Variants in OXNAD1 observed in about 807,000 individuals in gnomAD.
The protein encoded by OXNAD1 is oxidoreductase NAD-binding domain-containing protein 1.
A neutral mutation model predicts 32.9 loss-of-function variants in OXNAD1; 34 were observed. The observed-to-expected ratio is 1.03, with a 90% CI of 0.79 to 1.38. The LOEUF (loss-of-function observed/expected upper bound fraction) is 1.38. Ranked by LOEUF, OXNAD1 falls within the 40% of genes most tolerant of loss-of-function variation. OXNAD1 has a pLI of 0.00. For missense variants in OXNAD1, 407 were observed against 379.4 expected, an observed-to-expected ratio of 1.07 and a Z score of -0.60; for synonymous variants, 134 against 135.2, an observed-to-expected ratio of 0.99 and a Z score of 0.06.
rs183688590 is a variant in OXNAD1 at position 16,329,515 on chromosome 3, G to A, written c.*31-7597G>A. Among the ~76,000 whole-genome samples, 3 of 152,192 alleles carry A rather than the reference G, an allele frequency of 2.0e-5. No individual in the cohort carries two copies. Among genetic ancestry groups the A allele is most frequent in the East Asian group, 3.9e-4 (2 of 5,176 alleles). On this transcript the variant is annotated intron_variant, in intron 9 of 9. Coordinates refer to the OXNAD1 transcript ENST00000435829. This position sits in a 1 kb window ranked among gnomAD's most constrained non-coding sequence, Gnocchi z 4.5. ...AGGCCAGAGATGGCCCAGCAGTTGT[G>A]ACCATCCTTTCTGCCTGGCCTCTGG...
chr3:16,329,076 A>C lies in OXNAD1; in HGVS notation c.*31-8036A>C, dbSNP rs2070026400. Among the ~76,000 whole-genome samples the C allele has an allele frequency of 6.6e-6, 1 of 152,220 alleles. No homozygotes were observed. Among genetic ancestry groups the C allele is most frequent in the Non-Finnish European group, 1.5e-5 (1 of 68,050 alleles). ...GGCCTGGTGGGAGTGTTTAGGTCAG[A>C]AGGGCTCCACTCTTGTGAATGGGTT... is the stretch of plus-strand genomic sequence containing the variant. On this transcript the variant is annotated intron_variant, in intron 9 of 9. Coordinates refer to the OXNAD1 transcript ENST00000435829. The surrounding 1 kb of genome is among the most constrained non-coding windows in gnomAD (Gnocchi z 4.5).
chr3:16,280,056 G>A lies in OXNAD1; in HGVS notation c.184-6286G>A, dbSNP rs2065633757. 6.6e-6 allele frequency among the ~76,000 whole-genome samples: 1 copy of A among 152,192 alleles called. No individual in the cohort carries two copies. Among genetic ancestry groups the A allele is most frequent in the Non-Finnish European group, 1.5e-5 (1 of 68,040 alleles). ...ACCTCAGTTTTCTCATATGTAAAAT[G>A]GGGATATAATAATATTGGCTTTCTA... On this transcript the variant is annotated intron_variant, in intron 4 of 8. Coordinates refer to ENST00000285083, the MANE Select transcript of OXNAD1 (RefSeq NM_138381.5). This position sits in a 1 kb window ranked among gnomAD's most constrained non-coding sequence, Gnocchi z 4.5.
At chr3:16,296,569 A>AAGAT (rs1427201444) in intron 6 of OXNAD1, among the ~76,000 whole-genome samples, 1 of 152,222 alleles carries the variant, frequency 6.6e-6, no homozygotes, top group Non-Finnish European at 1.5e-5. Context: ...AATCAAATTT[A>AAGAT]AGATAAAGCT....
intron 4 of OXNAD1, among the ~76,000 whole-genome samples, chr3:16,282,316 A>C (rs2065801202): frequency 6.6e-6 from 1 of 151,656 alleles, no homozygotes; most frequent in Admixed American, 6.6e-5. Flanking sequence ...CCATACTTTT[A>C]AACATGAATC....
intron 9 of OXNAD1, among the ~76,000 whole-genome samples, chr3:16,330,435 G>C (rs2070194538): frequency 6.6e-6 from 1 of 152,198 alleles, no homozygotes; most frequent in Admixed American, 6.5e-5. Flanking sequence ...TAAGAAAGGT[G>C]GTAGGAAACA....
rs1200690854 is a variant in OXNAD1 at position 16,284,824 on chromosome 3, C to G, written c.184-1518C>G. 2.0e-5 allele frequency among the ~76,000 whole-genome samples: 3 copies of G among 152,260 alleles called. No individual in the cohort carries two copies. The highest frequency in any genetic ancestry group is 7.2e-5 in the African/African-American group (3 of 41,474). On this transcript the variant is annotated intron_variant, in intron 4 of 8. Transcript: ENST00000285083. This position sits in a 1 kb window ranked among gnomAD's most constrained non-coding sequence, Gnocchi z 4.1. ...GAGCCAGGACTAAATACCAGGCAGT[C>G]CAGCTGCAGAGCCCATGCTGTTAAC...
rs1248604630 is a variant in OXNAD1, at chr3:16,336,124, T to C, written c.*31-988T>C. On this transcript the variant is annotated intron_variant, in intron 9 of 9. Transcript: ENST00000435829. The surrounding 1 kb of genome is among the most constrained non-coding windows in gnomAD (Gnocchi z 6.0). ...AGACAGAAAGAAGGGCCACTTCACC[T>C]CTACCTCTCCCTAGCAAGTGGAAGG... 6.6e-6 allele frequency among the ~76,000 whole-genome samples: 1 copy of C among 152,196 alleles called. No individual in the cohort carries two copies. The highest frequency in any genetic ancestry group is 1.5e-5 in the Non-Finnish European group (1 of 68,030).
Position 16,271,731 on chromosome 3 carries a change from C to A in OXNAD1, c.183+9C>A. 1 of 1,603,588 alleles carries A rather than the reference C, an allele frequency of 6.2e-7. No homozygotes were observed. The highest frequency in any genetic ancestry group is 8.5e-7 in the Non-Finnish European group (1 of 1,177,144). ...GTGTCCTTCGACGGGAGGTTTGTAT[C>A]TTTGGGGTATGACAGGTTTTTCCAG... On this transcript the variant is annotated intron_variant, in intron 4 of 8. Transcript: ENST00000285083. This position sits in a 1 kb window ranked among gnomAD's most constrained non-coding sequence, Gnocchi z 4.6.
chr3:16,341,261 C>G (rs570094235), downstream of OXNAD1, among the ~76,000 whole-genome samples: 4 of 152,324 alleles, frequency 2.6e-5, no homozygotes, highest in East Asian at 7.7e-4. The surrounding 1 kb of genome is among the most constrained non-coding windows in gnomAD (Gnocchi z 4.7). Flanking sequence ...TCTTACAAAA[C>G]TAGACATACT....
chr3:16,282,540 A>G (rs1165077609), intron 4 of OXNAD1, among the ~76,000 whole-genome samples: 2 of 152,154 alleles, frequency 1.3e-5, no homozygotes, highest in Non-Finnish European at 1.5e-5. Flanking sequence ...GAATATGGTC[A>G]GAAAGGCAAA....
Position 16,289,926 on chromosome 3 carries a change from A to C in OXNAD1, c.290+3478A>C, listed in dbSNP as rs966591446. ...GTTCATTGAGGGCAGCAACTAAGACATATGTGCATCTTTGTACCTCCAGCA... is the reference window on the plus strand; with the variant it reads ...GTTCATTGAGGGCAGCAACTAAGACCTATGTGCATCTTTGTACCTCCAGCA... On this transcript the variant is annotated intron_variant, in intron 5 of 8. Transcript: ENST00000285083. This position sits in a 1 kb window ranked among gnomAD's most constrained non-coding sequence, Gnocchi z 4.9. Among the ~76,000 whole-genome samples, 2 of 152,224 alleles carry C rather than the reference A, an allele frequency of 1.3e-5. No individual in the cohort carries two copies. The highest frequency in any genetic ancestry group is 6.5e-5 in the Admixed American group (1 of 15,276).
chr3:16,266,825 T>A (rs1488185934), intron 1 of OXNAD1, among the ~76,000 whole-genome samples: 1 of 152,164 alleles, frequency 6.6e-6, no homozygotes, highest in Non-Finnish European at 1.5e-5. Context: ...TTTTATTTAT[T>A]CCTCTCAGTA....
Position 16,316,892 on chromosome 3 carries a change from C to G in OXNAD1, c.*30+13300C>G. Reference sequence around the variant, plus strand: ...AGCATCCCCGTCCCTGGCATCCTCTCCAGGATTGGAGTGCCCAGTGCAAAT... The same window carrying G: ...AGCATCCCCGTCCCTGGCATCCTCTGCAGGATTGGAGTGCCCAGTGCAAAT... On this transcript the variant is annotated intron_variant, in intron 9 of 9. Transcript: ENST00000435829. This position sits in a 1 kb window ranked among gnomAD's most constrained non-coding sequence, Gnocchi z 4.5. The G allele has an allele frequency of 6.2e-7, 1 of 1,614,194 alleles. No individual in the cohort carries two copies. Among genetic ancestry groups the G allele is most frequent in the Non-Finnish European group, 8.5e-7 (1 of 1,180,042 alleles).
chr3:16,340,882 A>T (rs573278554), downstream of OXNAD1, among the ~76,000 whole-genome samples: 2 of 152,246 alleles, frequency 1.3e-5, no homozygotes, highest in Admixed American at 6.5e-5. Flanking sequence ...GTCAAAGACT[A>T]GGAGAAATAT....
In OXNAD1 at chr3:16,287,853, T is replaced by G. The variant is rs2066175326; in HGVS notation, c.290+1405T>G. On this transcript the variant is annotated intron_variant, in intron 5 of 8. Coordinates refer to ENST00000285083, the MANE Select transcript of OXNAD1 (RefSeq NM_138381.5). The surrounding 1 kb of genome is among the most constrained non-coding windows in gnomAD (Gnocchi z 4.8). ...TCAAGATGAAATGATTTGGGATTGGTGTCATGTATACCATCCCAATGAATG... is the reference window on the plus strand; with the variant it reads ...TCAAGATGAAATGATTTGGGATTGGGGTCATGTATACCATCCCAATGAATG... Among the ~76,000 whole-genome samples, 1 of 152,218 alleles carries G rather than the reference T, an allele frequency of 6.6e-6. No homozygotes were observed. The highest frequency in any genetic ancestry group is 1.5e-5 in the Non-Finnish European group (1 of 68,038).
intron 9 of OXNAD1, among the ~76,000 whole-genome samples, chr3:16,333,811 G>A (rs978824506): frequency 1.3e-5 from 2 of 152,180 alleles, no homozygotes; most frequent in African/African-American, 2.4e-5. Context: ...AGAGATCACA[G>A]AAGATTCAAA....
Position 16,265,953 on chromosome 3 carries a change from A to G in OXNAD1, c.-159+448A>G. On this transcript the variant is annotated intron_variant, in intron 1 of 8. Transcript: ENST00000285083. This position sits in a 1 kb window ranked among gnomAD's most constrained non-coding sequence, Gnocchi z 4.8. ...GTATGCCTTGAAGCGAAATGCAGAT[A>G]AAAGGCATTTTTGTCTTGAAAGCAG... The G allele has an allele frequency of 1.0e-6, 1 of 957,036 alleles. No homozygotes were observed. Among genetic ancestry groups the G allele is most frequent in the Non-Finnish European group, 1.2e-6 (1 of 804,106 alleles). The allele number at this position is 957,036 out of a possible 1,614,324, so 59.3% of individuals were successfully genotyped here.
chr3:16,331,321 A>C (rs1355775484), intron 9 of OXNAD1, among the ~76,000 whole-genome samples: 2 of 152,240 alleles, frequency 1.3e-5, no homozygotes, highest in Non-Finnish European at 2.9e-5. Flanking sequence ...ATTTTCTACC[A>C]TGGGAAATAA....
rs886660331 is a variant in OXNAD1, at chr3:16,344,897, G to C, written c.*31-4279G>C. Among the ~76,000 whole-genome samples the C allele has an allele frequency of 5.3e-5, 8 of 152,238 alleles. No individual in the cohort carries two copies. The highest frequency in any genetic ancestry group is 1.9e-4 in the African/African-American group (8 of 41,462). On this transcript the variant is annotated intron_variant, in intron 9 of 9. Coordinates refer to the OXNAD1 transcript ENST00000606098. This position sits in a 1 kb window ranked among gnomAD's most constrained non-coding sequence, Gnocchi z 4.4. ...CACCCCCCAACCTTTTATGCTCACT[G>C]ATTTAATATACTTCAGTTCTCTCTG...
Sources: gnomAD v4.1 joint callset for allele counts (sites outside exome capture counted in the v4.1 genomes callset) on GRCh38, gnomAD v4.1.1 for gene constraint, Gnocchi (gnomAD v3.1) non-coding constraint, MANE v1.5 for transcripts, NCBI Gene and HGNC (gene_info 2026-07-23, HGNC 2026-07-21) for gene names.